SLC39A11: variants seen among roughly 807,000 people sequenced by gnomAD.
The protein encoded by SLC39A11 is zinc transporter ZIP11.
Under a neutral mutation model 36.1 loss-of-function variants are expected in SLC39A11, and 33 were observed. The ratio of observed to expected loss-of-function variants is 0.91; its 90% CI spans 0.69 to 1.22. SLC39A11 has a LOEUF of 1.22. SLC39A11 is among the 50% of genes most tolerant of loss of function. The probability of loss-of-function intolerance (pLI) is 0.00; values close to 1 mark genes in which losing one functional copy is unlikely to be tolerated. For missense variants in SLC39A11, 432 were observed against 430.3 expected (o/e 1.00, Z -0.03); for synonymous variants, 166 against 170.3 (o/e 0.97, Z 0.20).
rs558687324 is a variant in SLC39A11 at position 72,646,802 on chromosome 17, G to A, written c.*782C>T. The A allele has an allele frequency of 4.0e-4, 61 of 152,624 alleles. No individual in the cohort carries two copies. Among genetic ancestry groups the A allele is most frequent in the African/African-American group, 1.3e-3 (54 of 41,556 alleles). 9.5% of individuals were successfully genotyped at this position (152,624 alleles called of 1,614,324 possible). On this transcript the variant is annotated 3_prime_UTR_variant, in exon 10 of 10. Transcript: ENST00000255559. ...AATGCCTAAGAAATTTGGAAAGCGC[G>A]ACAAATGGCCTTGCTCCTGGAATCC...
At chr17:72,742,484 G>T (rs6501561) in intron 6 of SLC39A11, among the ~76,000 whole-genome samples, 2 of 152,170 alleles carry the variant, frequency 1.3e-5, no homozygotes, top group African/African-American at 2.4e-5. Context: ...CTAACACACC[G>T]GAGACCATCA....
chr17:73,090,907 G>A (rs2060902654), intron 1 of SLC39A11, among the ~76,000 whole-genome samples: 1 of 152,178 alleles, frequency 6.6e-6, no homozygotes, highest in African/African-American at 2.4e-5. Flanking sequence ...TTGATCACGG[G>A]CAATGCAAGC....
intron 6 of SLC39A11, among the ~76,000 whole-genome samples, chr17:72,755,022 C>T (rs918781713): frequency 1.4e-4 from 21 of 151,820 alleles, no homozygotes; most frequent in African/African-American, 4.6e-4. Flanking sequence ...TTTGTATCCA[C>T]AGGATAGCCC....
chr17:73,056,014 C>A (rs2059654486), intron 3 of SLC39A11, among the ~76,000 whole-genome samples: 2 of 152,246 alleles, frequency 1.3e-5, no homozygotes, highest in South Asian at 2.1e-4. Flanking sequence ...CTTTCTGATA[C>A]TTTTGGTGCC....
intron 4 of SLC39A11, among the ~76,000 whole-genome samples, chr17:73,005,876 G>C (rs186749206): frequency 1.3e-5 from 2 of 151,322 alleles, no homozygotes; most frequent in Non-Finnish European, 2.9e-5. Flanking sequence ...GCTTGAACCT[G>C]GGAGGTGGAG....
chr17:72,820,028 C>G lies in SLC39A11; in HGVS notation c.601+29606G>C, dbSNP rs2077711071. ...AGGGAAGGCAGGTGAGACATCAGCA[C>G]AGGCACAAAGGCTTCCTTCCGATTG... On this transcript the variant is annotated intron_variant, in intron 6 of 9. Coordinates refer to ENST00000255559, the MANE Select transcript of SLC39A11 (RefSeq NM_139177.4). 1.3e-5 allele frequency among the ~76,000 whole-genome samples: 2 copies of G among 151,210 alleles called. 1 individual carries two copies. The highest frequency in any genetic ancestry group is 1.3e-4 in the Admixed American group (2 of 15,182).
At chr17:73,068,741 C>A (rs1187485490) in intron 3 of SLC39A11, among the ~76,000 whole-genome samples, 1 of 152,136 alleles carries the variant, frequency 6.6e-6, no homozygotes. Context: ...TTCCTATCTC[C>A]TATGCCTCTG....
intron 7 of SLC39A11, among the ~76,000 whole-genome samples, chr17:72,700,685 G>A (rs1193131294): frequency 6.6e-6 from 1 of 152,226 alleles, no homozygotes; most frequent in Non-Finnish European, 1.5e-5. Context: ...ACTGGGCAAT[G>A]TACAAAAGAA....
chr17:72,871,082 G>C (rs1449970666), intron 5 of SLC39A11, among the ~76,000 whole-genome samples: 2 of 107,802 alleles, frequency 1.9e-5, no homozygotes, highest in Non-Finnish European at 3.7e-5. Flanking sequence ...TGGTTTTTCT[G>C]AGACAGAGTC....
At chr17:72,858,425 G>A (rs1246708875) in intron 5 of SLC39A11, among the ~76,000 whole-genome samples, 1 of 152,152 alleles carries the variant, frequency 6.6e-6, no homozygotes, top group Non-Finnish European at 1.5e-5. Flanking sequence ...CTTCAGCTTT[G>A]TTCTTTTTGC....
intron 7 of SLC39A11, among the ~76,000 whole-genome samples, chr17:72,727,897 G>A (rs1447202987): frequency 1.3e-5 from 2 of 152,128 alleles, no homozygotes; most frequent in Admixed American, 6.6e-5. Flanking sequence ...CATGATAGGC[G>A]AGGTGCCTGC....
rs140215404 is a variant in SLC39A11, at chr17:72,957,610, A to G, written c.307-9735T>C. Among the ~76,000 whole-genome samples, 444 of 152,326 alleles carry G rather than the reference A, an allele frequency of 2.9e-3. 2 individuals carry two copies. Among genetic ancestry groups the G allele is most frequent in the African/African-American group, 9.7e-3 (403 of 41,566 alleles). Reference sequence around the variant, plus strand: ...AAGGCAGATGGATCGCCTCAGGTCAAAAGTTCGAGAACAGTCTGGCCAACA... The same window carrying G: ...AAGGCAGATGGATCGCCTCAGGTCAGAAGTTCGAGAACAGTCTGGCCAACA... On this transcript the variant is annotated intron_variant, in intron 4 of 9. Coordinates refer to ENST00000255559, the MANE Select transcript of SLC39A11 (RefSeq NM_139177.4).
At chr17:72,797,982 G>C (rs1302235290) in intron 6 of SLC39A11, among the ~76,000 whole-genome samples, 1 of 152,152 alleles carries the variant, frequency 6.6e-6, no homozygotes, top group Non-Finnish European at 1.5e-5. Flanking sequence ...ACTCATGGGA[G>C]TGACGAGAAA....
intron 4 of SLC39A11, among the ~76,000 whole-genome samples, chr17:72,970,249 T>C (rs2087340119): frequency 6.6e-6 from 1 of 152,174 alleles, no homozygotes; most frequent in Non-Finnish European, 1.5e-5. Context: ...CAGAAACAAA[T>C]TCATTTTTTG....
intron 4 of SLC39A11, among the ~76,000 whole-genome samples, chr17:73,018,573 A>T (rs1026838516): frequency 6.6e-6 from 1 of 152,102 alleles, no homozygotes. Flanking sequence ...AGTAAAAATA[A>T]AATAAATCAA....
At chr17:73,038,425 A>G (rs1236228543) in intron 3 of SLC39A11, among the ~76,000 whole-genome samples, 1 of 151,794 alleles carries the variant, frequency 6.6e-6, no homozygotes, top group Non-Finnish European at 1.5e-5. Context: ...TAGGCTGGGC[A>G]CAGTGGCTCA....
At chr17:72,975,044 A>G (rs2087744269) in intron 4 of SLC39A11, among the ~76,000 whole-genome samples, 1 of 152,202 alleles carries the variant, frequency 6.6e-6, no homozygotes, top group Non-Finnish European at 1.5e-5. Context: ...TGTTTGAACA[A>G]TGAGACATTT....
At chr17:73,021,355 T>C (rs1227655900) in intron 4 of SLC39A11, among the ~76,000 whole-genome samples, 2 of 152,084 alleles carry the variant, frequency 1.3e-5, no homozygotes, top group Non-Finnish European at 2.9e-5. Context: ...TCTTTTTTTT[T>C]TTAAGACATA....
intron 7 of SLC39A11, among the ~76,000 whole-genome samples, chr17:72,692,130 C>A (rs1218335195): frequency 6.6e-6 from 1 of 152,006 alleles, no homozygotes; most frequent in Non-Finnish European, 1.5e-5. Flanking sequence ...TCTGCCTCAG[C>A]CTTCCTGAGT....
Sources: allele counts gnomAD v4.1 joint callset (sites outside exome capture counted in the v4.1 genomes callset), GRCh38; gene constraint gnomAD v4.1.1; transcripts MANE v1.5; gene names NCBI Gene and HGNC (gene_info 2026-07-23, HGNC 2026-07-21).